Variants in UBE2E2 observed in about 807,000 individuals in gnomAD.
UBE2E2 encodes the protein ubiquitin-conjugating enzyme E2 E2.
UBE2E2 carries 6 observed loss-of-function variants against 24.7 expected under a neutral mutation model. The observed-to-expected ratio is 0.24, with a 90% CI of 0.13 to 0.48. The LOEUF (loss-of-function observed/expected upper bound fraction) is 0.48, where lower values mean the gene tolerates loss of function less well. UBE2E2 is among the 20% of genes least tolerant of loss of function. The pLI is 0.99. For synonymous variants in UBE2E2, 104 were observed against 83.6 expected (o/e 1.24, Z -1.33); for missense variants, 169 against 245.0 (o/e 0.69, Z 2.07).
At chr3:23,302,496 C>G (rs1487842135) in intron 3 of UBE2E2, among the ~76,000 whole-genome samples, 2 of 152,212 alleles carry the variant, frequency 1.3e-5, no homozygotes, top group Non-Finnish European at 2.9e-5. Flanking sequence ...GGAATCTTCT[C>G]TGGTGACCTG....
At chr3:23,258,618 G>A (rs1697804745) in intron 3 of UBE2E2, among the ~76,000 whole-genome samples, 1 of 152,124 alleles carries the variant, frequency 6.6e-6, no homozygotes, top group Admixed American at 6.5e-5. Flanking sequence ...TCTAGGTCGG[G>A]TGTGGTGGCT....
intron 3 of UBE2E2, among the ~76,000 whole-genome samples, chr3:23,305,848 G>A (rs1699223846): frequency 6.6e-6 from 1 of 152,128 alleles, no homozygotes; most frequent in Non-Finnish European, 1.5e-5. Context: ...TCTTGCCTTA[G>A]CTTCCCAAAG....
At chr3:23,575,708 G>T (rs1696332043) in intron 5 of UBE2E2, among the ~76,000 whole-genome samples, 1 of 152,114 alleles carries the variant, frequency 6.6e-6, no homozygotes, top group Admixed American at 6.6e-5. Flanking sequence ...GGGTGGTTTG[G>T]CAGCATTTAC....
intron 3 of UBE2E2, among the ~76,000 whole-genome samples, chr3:23,233,368 T>G (rs1697020416): frequency 6.6e-6 from 1 of 152,188 alleles, no homozygotes; most frequent in Non-Finnish European, 1.5e-5. Context: ...AGTGTTATGG[T>G]CCTACTTTGC....
chr3:23,301,478 G>A (rs539576573), intron 3 of UBE2E2, among the ~76,000 whole-genome samples: 44 of 152,322 alleles, frequency 2.9e-4, no homozygotes, highest in Non-Finnish European at 4.6e-4. Context: ...TGTCCTTTCT[G>A]TTTGTTAGTT....
intron 3 of UBE2E2, among the ~76,000 whole-genome samples, chr3:23,272,887 G>T (rs1188441208): frequency 2.6e-5 from 4 of 152,150 alleles, no homozygotes; most frequent in South Asian, 2.1e-4. Flanking sequence ...CCAAGTTTCA[G>T]TTTGAGTCCC....
intron 3 of UBE2E2, among the ~76,000 whole-genome samples, chr3:23,242,576 G>T (rs1383193078): frequency 6.6e-6 from 1 of 152,048 alleles, no homozygotes; most frequent in Non-Finnish European, 1.5e-5. Flanking sequence ...GGATTTAGAT[G>T]ATGGTCATTT....
chr3:23,384,821 G>A (rs1696765980), intron 3 of UBE2E2, among the ~76,000 whole-genome samples: 2 of 152,172 alleles, frequency 1.3e-5, no homozygotes, highest in African/African-American at 4.8e-5. Context: ...GATTACAGGC[G>A]TGAGCCACCA....
At chr3:23,279,930 C>A (rs1458864144) in intron 3 of UBE2E2, among the ~76,000 whole-genome samples, 1 of 152,212 alleles carries the variant, frequency 6.6e-6, no homozygotes, top group Non-Finnish European at 1.5e-5. Flanking sequence ...GCCACAGAGC[C>A]CATCTTGTCT....
At chr3:23,271,930 C>T (rs1222931241) in intron 3 of UBE2E2, among the ~76,000 whole-genome samples, 1 of 152,234 alleles carries the variant, frequency 6.6e-6, no homozygotes, top group Non-Finnish European at 1.5e-5. Flanking sequence ...TAAAAGTTCT[C>T]CAAGTCGTCA....
At chr3:23,297,719 A>G (rs113064454) in intron 3 of UBE2E2, among the ~76,000 whole-genome samples, 12 of 152,100 alleles carry the variant, frequency 7.9e-5, no homozygotes, top group African/African-American at 1.9e-4. Flanking sequence ...GTCAGGTAGC[A>G]TGATGCCTCC....
chr3:23,564,596 A>G (rs980170106), intron 5 of UBE2E2, among the ~76,000 whole-genome samples: 3 of 152,164 alleles, frequency 2.0e-5, no homozygotes, highest in Non-Finnish European at 4.4e-5. Context: ...TTAAAAGGAA[A>G]TTCCTTGAAT....
At chr3:23,379,702 C>T (rs1696617785) in intron 3 of UBE2E2, among the ~76,000 whole-genome samples, 2 of 152,138 alleles carry the variant, frequency 1.3e-5, no homozygotes, top group Admixed American at 6.5e-5. Flanking sequence ...AATTTTCTCT[C>T]GGACATGGTA....
At chr3:23,555,106 A>G (rs1484956015) in intron 5 of UBE2E2, among the ~76,000 whole-genome samples, 1 of 151,966 alleles carries the variant, frequency 6.6e-6, no homozygotes, top group Non-Finnish European at 1.5e-5. Flanking sequence ...TGGTAGAGAT[A>G]GGATTTCACC....
intron 3 of UBE2E2, among the ~76,000 whole-genome samples, chr3:23,265,878 T>C (rs1349020703): frequency 6.6e-6 from 1 of 152,236 alleles, no homozygotes. Flanking sequence ...TCTTGTTGAA[T>C]TGATCCCTTT....
chr3:23,366,680 G>C (rs1341508594), intron 3 of UBE2E2, among the ~76,000 whole-genome samples: 2 of 151,976 alleles, frequency 1.3e-5, no homozygotes, highest in Non-Finnish European at 2.9e-5. Flanking sequence ...CTTATTACCT[G>C]GGTGACAAAA....
At chr3:23,395,503 T>C (rs1037414871) in intron 3 of UBE2E2, among the ~76,000 whole-genome samples, 1 of 152,216 alleles carries the variant, frequency 6.6e-6, no homozygotes, top group Non-Finnish European at 1.5e-5. Context: ...CATTCAACAG[T>C]AGTCACTGTG....
chr3:23,573,755 G>A (rs953981917), intron 5 of UBE2E2, among the ~76,000 whole-genome samples: 1 of 152,154 alleles, frequency 6.6e-6, no homozygotes, highest in Non-Finnish European at 1.5e-5. Flanking sequence ...CTAAATAGCT[G>A]CTTGTTGTCA....
At chr3:23,394,719 T>C (rs536366265) in intron 3 of UBE2E2, among the ~76,000 whole-genome samples, 2 of 152,256 alleles carry the variant, frequency 1.3e-5, no homozygotes, top group Non-Finnish European at 2.9e-5. Flanking sequence ...GGTTAAAAAT[T>C]GGAATCCAGA....
Sources: allele counts gnomAD v4.1 joint callset (sites outside exome capture counted in the v4.1 genomes callset), GRCh38; gene constraint gnomAD v4.1.1; transcripts MANE v1.5; gene names NCBI Gene and HGNC (gene_info 2026-07-23, HGNC 2026-07-21).